Variants in ARHGEF26 observed in about 807,000 individuals in gnomAD.
The protein encoded by ARHGEF26 is Rho guanine nucleotide exchange factor (GEF) 26.
A neutral mutation model predicts 89.4 loss-of-function variants in ARHGEF26; 59 were observed. The ratio of observed to expected loss-of-function variants is 0.66; its 90% CI spans 0.54 to 0.82. The LOEUF (loss-of-function observed/expected upper bound fraction) is 0.82. Among genes scored for constraint, ARHGEF26 ranks in the 40% least tolerant of loss-of-function variants. ARHGEF26 has a pLI of 0.00. For synonymous variants in ARHGEF26, 500 were observed against 428.4 expected (o/e 1.17, Z -2.06); for missense variants, 1,234 against 1,085.6 (o/e 1.14, Z -1.92).
At chr3:154,137,764 C>T (rs902394386) in intron 4 of ARHGEF26, among the ~76,000 whole-genome samples, 5 of 151,142 alleles carry the variant, frequency 3.3e-5, no homozygotes, top group Non-Finnish European at 5.9e-5. Context: ...ATCTCTTGAG[C>T]CCAGGAGTTT....
chr3:154,124,391 A>AAT lies in ARHGEF26; in HGVS notation c.1084-19_1084-18insAT. On this transcript the variant is annotated intron_variant, in intron 2 of 14. Coordinates refer to ENST00000465093, the MANE Select transcript of ARHGEF26 (RefSeq NM_015595.4). ...CTTTTCCTTTTTTTTTTTTTTTTTT[A>AAT]CTTTTTTTTGTCTCTTAGAAAAAAA... The AAT allele has an allele frequency of 1.0e-5, 10 of 999,332 alleles. No individual in the cohort carries two copies. Among genetic ancestry groups the AAT allele is most frequent in the Middle Eastern group, 3.5e-4 (1 of 2,896 alleles). 61.9% of individuals were successfully genotyped at this position (999,332 alleles called of 1,614,324 possible). A position where few individuals can be genotyped will look rare whatever the true frequency, so the allele number is the denominator to read the frequency against.
intron 4 of ARHGEF26, among the ~76,000 whole-genome samples, chr3:154,144,830 G>A (rs556452422): frequency 1.3e-5 from 2 of 152,322 alleles, no homozygotes; most frequent in East Asian, 1.9e-4. Flanking sequence ...TAGGACATCA[G>A]AGAGATCAGC....
intron 9 of ARHGEF26, among the ~76,000 whole-genome samples, chr3:154,214,225 C>T (rs1265886340): frequency 6.6e-6 from 1 of 152,114 alleles, no homozygotes; most frequent in Admixed American, 6.5e-5. Flanking sequence ...TTCAGGGAGC[C>T]TTTTAAGGAT....
At chr3:154,170,547 C>G (rs1013519876) in intron 6 of ARHGEF26, among the ~76,000 whole-genome samples, 1 of 152,180 alleles carries the variant, frequency 6.6e-6, no homozygotes, top group Admixed American at 6.5e-5. Flanking sequence ...CATCAGTCCA[C>G]CTGGATTCCA....
At chr3:154,177,975 G>A (rs189462421) in intron 6 of ARHGEF26, among the ~76,000 whole-genome samples, 1 of 152,162 alleles carries the variant, frequency 6.6e-6, no homozygotes, top group Non-Finnish European at 1.5e-5. Flanking sequence ...GGAGGCCGAG[G>A]CAGGCAGATC....
At chr3:154,206,270 C>T (rs765848848) in intron 9 of ARHGEF26, among the ~76,000 whole-genome samples, 1 of 152,112 alleles carries the variant, frequency 6.6e-6, no homozygotes, top group African/African-American at 2.4e-5. Context: ...TATTGCAGCT[C>T]CACTGTATGT....
At chr3:154,223,437 A>T (rs1454822086) in intron 10 of ARHGEF26, among the ~76,000 whole-genome samples, 2 of 152,258 alleles carry the variant, frequency 1.3e-5, no homozygotes, top group East Asian at 1.9e-4. Flanking sequence ...TAGCCAAGAA[A>T]GTGAAAATAC....
intron 3 of ARHGEF26, among the ~76,000 whole-genome samples, chr3:154,126,992 G>A (rs968868476): frequency 6.6e-6 from 1 of 152,070 alleles, no homozygotes; most frequent in African/African-American, 2.4e-5. Flanking sequence ...TCTAAGCACA[G>A]GAAAAGTACA....
At chr3:154,216,492 AT>A (rs1428596973) in intron 9 of ARHGEF26, among the ~76,000 whole-genome samples, 6 of 129,012 alleles carry the variant, frequency 4.7e-5, no homozygotes, top group African/African-American at 1.2e-4. Flanking sequence ...TTTTTTTTTT[AT>A]TTTTTTTTAT....
In ARHGEF26 at chr3:154,157,319, C is replaced by T. The variant is rs1187103994; in HGVS notation, c.1487+4387C>T. ...AACACCTCCAATGTATTTGCAGAGGCGTTTTAGGGCACTTTCCTTGAAATG... is the reference window on the plus strand; with the variant it reads ...AACACCTCCAATGTATTTGCAGAGGTGTTTTAGGGCACTTTCCTTGAAATG... On this transcript the variant is annotated intron_variant, in intron 6 of 14. Transcript: ENST00000465093. 7.2e-5 allele frequency among the ~76,000 whole-genome samples: 11 copies of T among 152,094 alleles called. No individual in the cohort carries two copies. The East Asian group carries it at 7.7e-4, about 11-fold the overall frequency.
chr3:154,199,139 G>A (rs1714466366), intron 9 of ARHGEF26, among the ~76,000 whole-genome samples: 2 of 151,762 alleles, frequency 1.3e-5, no homozygotes, highest in South Asian at 4.1e-4. Context: ...CTATCACATA[G>A]ATCATATAGT....
chr3:154,254,080 T>TAA (rs1174808540), intron 13 of ARHGEF26, among the ~76,000 whole-genome samples: 1 of 152,116 alleles, frequency 6.6e-6, no homozygotes, highest in Non-Finnish European at 1.5e-5. Context: ...CATGCCCAGC[T>TAA]AATTTTTTGT....
Position 154,255,628 on chromosome 3 carries a change from A to G in ARHGEF26, c.*155A>G, listed in dbSNP as rs1048023578. The G allele has an allele frequency of 3.5e-6, 5 of 1,439,624 alleles. No individual in the cohort carries two copies. Among genetic ancestry groups the G allele is most frequent in the Non-Finnish European group, 4.5e-6 (5 of 1,103,024 alleles). 89.2% of individuals were successfully genotyped at this position (1,439,624 alleles called of 1,614,324 possible). On this transcript the variant is annotated 3_prime_UTR_variant, in exon 15 of 15. Transcript: ENST00000465093. ...GCTTGCCAGGTTGTTCTGCTCTCTC[A>G]TGAGAAGAGCTTGGATACAGTGAGT...
At chr3:154,211,151 A>G (rs1411604635) in intron 9 of ARHGEF26, among the ~76,000 whole-genome samples, 1 of 152,024 alleles carries the variant, frequency 6.6e-6, no homozygotes, top group African/African-American at 2.4e-5. Context: ...TGGCTGCCAC[A>G]GCTGGTGTCT....
chr3:154,121,322 G>C (rs1286917774), upstream of ARHGEF26: 1 of 152,212 alleles, frequency 6.6e-6, no homozygotes, highest in South Asian at 2.1e-4. Context: ...GGCTGCGATG[G>C]AGGCGGATCT....
At chr3:154,168,906 C>T (rs1199485178) in intron 6 of ARHGEF26, among the ~76,000 whole-genome samples, 1 of 108,108 alleles carries the variant, frequency 9.3e-6, no homozygotes, top group Non-Finnish European at 2.1e-5. Flanking sequence ...ATTTTGTCCA[C>T]TTAGATCAGA....
intron 12 of ARHGEF26, among the ~76,000 whole-genome samples, chr3:154,241,261 CT>C (rs1251694748): frequency 1.3e-5 from 2 of 152,132 alleles, no homozygotes. Flanking sequence ...GAAACTTCCT[CT>C]TGCAATAATC....
intron 6 of ARHGEF26, 116 bp from the exon 7 acceptor site, chr3:154,187,569 G>A (rs1039400960): frequency 4.0e-5 from 30 of 746,250 alleles, no homozygotes; most frequent in Non-Finnish European, 6.0e-6. Flanking sequence ...TTTTTAGTTG[G>A]TACTGTGTAC....
intron 6 of ARHGEF26, among the ~76,000 whole-genome samples, chr3:154,161,708 A>T (rs989841301): frequency 1.3e-5 from 2 of 152,208 alleles, no homozygotes; most frequent in Non-Finnish European, 2.9e-5. Flanking sequence ...CATTTTAGCA[A>T]TCATCTTTAT....
Sources: gnomAD v4.1 joint callset for allele counts (sites outside exome capture counted in the v4.1 genomes callset) on GRCh38, gnomAD v4.1.1 for gene constraint, MANE v1.5 for transcripts, NCBI Gene and HGNC (gene_info 2026-07-23, HGNC 2026-07-21) for gene names.